The following FYB1 variants were observed in gnomAD, a reference collection of about 807,000 sequenced individuals.
FYB1 encodes FYN binding protein 1, also known as FYN-binding protein 1.
A neutral mutation model predicts 94.1 loss-of-function variants in FYB1; 41 were observed. That is an observed-to-expected ratio of 0.44 (90% CI 0.34 to 0.57). FYB1 has a LOEUF of 0.57. FYB1 is among the 20% of genes least tolerant of loss of function. The probability of loss-of-function intolerance (pLI) is 0.02; values close to 1 mark genes in which losing one functional copy is unlikely to be tolerated. For missense variants in FYB1, 1,050 were observed against 976.8 expected (o/e 1.07, Z -1.00); for synonymous variants, 367 against 353.2 (o/e 1.04, Z -0.44).
chr5:39,151,381 CT>C (rs1401805433), intron 3 of FYB1, among the ~76,000 whole-genome samples: 2 of 150,460 alleles, frequency 1.3e-5, no homozygotes, highest in African/African-American at 5.0e-5. Context: ...CCTCGACTTC[CT>C]GGGCTGAAGC....
At chr5:39,169,822 A>G (rs1745086267) in intron 2 of FYB1, 1 of 519,156 alleles carries the variant, frequency 1.9e-6, no homozygotes, top group South Asian at 1.7e-5. Context: ...AGTGGTTTTG[A>G]TGGTGGTTAT....
In FYB1 at chr5:39,148,155, T is replaced by TTATA. The variant is rs10528848; in HGVS notation, c.1292+5289_1292+5292dup. ...ATTATATGTATATTATATGTATTTTTTATATATATATATATATATATATAT... is the reference window on the plus strand; with the variant it reads ...ATTATATGTATATTATATGTATTTTTTATATATATATATATATATATATATATAT... On this transcript the variant is annotated intron_variant, in intron 3 of 18. Transcript: ENST00000512982. Among the ~76,000 whole-genome samples the TTATA allele has an allele frequency of 6.2e-3, 232 of 37,462 alleles. 2 individuals carry two copies. Among genetic ancestry groups the TTATA allele is most frequent in the South Asian group, 9.3e-3 (7 of 756 alleles). The allele number at this position is 37,462 out of a possible 152,430, so 24.6% of individuals were successfully genotyped here.
intron 2 of FYB1, among the ~76,000 whole-genome samples, chr5:39,154,518 T>C (rs372722954): frequency 7.7e-6 from 1 of 130,328 alleles, no homozygotes; most frequent in Non-Finnish European, 1.7e-5. Context: ...TTTTTTTTTT[T>C]CCTTGTGAGA....
Position 39,193,901 on chromosome 5 carries a change from G to A in FYB1, c.1135+7925C>T, listed in dbSNP as rs549016055. On this transcript the variant is annotated intron_variant, in intron 2 of 18. Transcript: ENST00000512982. ...CAAAGTCACACTCAGAACTCAAATC[G>A]CAATTCTGAGGGGAAGGCAAATTTA... Among the ~76,000 whole-genome samples the A allele has an allele frequency of 4.5e-4, 68 of 152,258 alleles. No homozygotes were observed. The Middle Eastern group carries it at 0.01, about 23-fold the overall frequency.
intron 2 of FYB1, among the ~76,000 whole-genome samples, chr5:39,164,423 CT>C (rs1419928292): frequency 6.6e-6 from 1 of 152,104 alleles, no homozygotes; most frequent in Non-Finnish European, 1.5e-5. Context: ...GGGCTACGTT[CT>C]TTTTTTGTTG....
At chr5:39,123,528 A>G (rs1007274718) in intron 13 of FYB1, among the ~76,000 whole-genome samples, 3 of 152,182 alleles carry the variant, frequency 2.0e-5, no homozygotes, top group Admixed American at 6.6e-5. Flanking sequence ...CAAGCTTATT[A>G]TCAGGCACTG....
At chr5:39,270,626 G>A in intron 1 of FYB1, 1 of 1,523,568 alleles carries the variant, frequency 6.6e-7, no homozygotes, top group Non-Finnish European at 8.8e-7. Flanking sequence ...AGATGGTGCA[G>A]CTTGGATAGT....
chr5:39,250,058 C>T (rs1751649802), intron 1 of FYB1, among the ~76,000 whole-genome samples: 1 of 152,096 alleles, frequency 6.6e-6, no homozygotes, highest in South Asian at 2.1e-4. Context: ...TCTTTCTCTC[C>T]CCTGCTGCCA....
At chr5:39,222,116 T>A (rs1750293489), upstream of FYB1, among the ~76,000 whole-genome samples, 1 of 152,182 alleles carries the variant, frequency 6.6e-6, no homozygotes, top group African/African-American at 2.4e-5. Flanking sequence ...CCCCCTCTCC[T>A]TTTTCACCTG....
chr5:39,222,922 A>C (rs1306457306), upstream of FYB1, among the ~76,000 whole-genome samples: 5 of 152,050 alleles, frequency 3.3e-5, no homozygotes, highest in Non-Finnish European at 5.9e-5. Flanking sequence ...AATCAATAAA[A>C]GAGGGAGAGG....
At chr5:39,250,223 A>G (rs916235849) in intron 1 of FYB1, among the ~76,000 whole-genome samples, 2 of 152,286 alleles carry the variant, frequency 1.3e-5, no homozygotes, top group African/African-American at 4.8e-5. Context: ...CTAATACAGG[A>G]GCTAAAGTCT....
chr5:39,158,484 G>A (rs1743955370), intron 2 of FYB1, among the ~76,000 whole-genome samples: 1 of 152,176 alleles, frequency 6.6e-6, no homozygotes, highest in South Asian at 2.1e-4. Context: ...GGAAGATGGA[G>A]CAGGGACAGA....
intron 2 of FYB1, among the ~76,000 whole-genome samples, chr5:39,162,245 T>C (rs1744319392): frequency 6.6e-6 from 1 of 152,232 alleles, no homozygotes; most frequent in Non-Finnish European, 1.5e-5. Context: ...TCTGAGGAAC[T>C]CTGGATTGTT....
intron 2 of FYB1, among the ~76,000 whole-genome samples, chr5:39,198,387 TG>T (rs1320963035): frequency 6.6e-6 from 1 of 152,196 alleles, no homozygotes; most frequent in Non-Finnish European, 1.5e-5. Context: ...TGGTTTAAAA[TG>T]GGTTCATTAA....
At chr5:39,209,316 A>T (rs1290632135) in intron 1 of FYB1, among the ~76,000 whole-genome samples, 1 of 139,806 alleles carries the variant, frequency 7.2e-6, no homozygotes, top group Admixed American at 8.0e-5. Flanking sequence ...CCCGATTAAC[A>T]CTGTTTAAAT....
Position 39,123,158 on chromosome 5 carries a change from C to A in FYB1, c.2072-756G>T, listed in dbSNP as rs1740286513. Among the ~76,000 whole-genome samples the A allele has an allele frequency of 2.0e-5, 3 of 152,080 alleles. No individual in the cohort carries two copies. The South Asian group carries it at 6.2e-4, about 31-fold the overall frequency. Reference sequence around the variant, plus strand: ...TGAAGAGATTGAGTTGAAGAAATTGCAAATATTTTAAGGAGTTATTACCAT... The same window carrying A: ...TGAAGAGATTGAGTTGAAGAAATTGAAAATATTTTAAGGAGTTATTACCAT... On this transcript the variant is annotated intron_variant, in intron 13 of 18. Coordinates refer to ENST00000512982, the MANE Select transcript of FYB1 (RefSeq NM_001465.6).
At chr5:39,249,425 A>G (rs1751621697) in intron 1 of FYB1, among the ~76,000 whole-genome samples, 1 of 152,210 alleles carries the variant, frequency 6.6e-6, no homozygotes, top group African/African-American at 2.4e-5. Flanking sequence ...TGTTCCAATA[A>G]CACATTCTTT....
exon 1 of FYB1, chr5:39,274,457 G>A (rs1292847301): frequency 6.6e-6 from 1 of 151,854 alleles, no homozygotes; most frequent in Non-Finnish European, 1.5e-5. Context: ...TTTTTTTCTG[G>A]AAGCCTGCAG....
intron 9 of FYB1, 69 bp from the exon 10 acceptor site, chr5:39,130,681 A>G: frequency 1.7e-6 from 2 of 1,164,212 alleles, no homozygotes; most frequent in South Asian, 1.3e-5. Flanking sequence ...AGAAGTACAT[A>G]TCCTGATTAG....
Sources: gnomAD v4.1 joint callset for allele counts (sites outside exome capture counted in the v4.1 genomes callset) on GRCh38, gnomAD v4.1.1 for gene constraint, MANE v1.5 for transcripts, NCBI Gene and HGNC (gene_info 2026-07-23, HGNC 2026-07-21) for gene names.